SNTG2: variants seen among roughly 807,000 people sequenced by gnomAD.
The protein encoded by SNTG2 is gamma-2-syntrophin.
Under a neutral mutation model 70.9 loss-of-function variants are expected in SNTG2, and 74 were observed. The observed-to-expected ratio is 1.04, with a 90% confidence interval of 0.86 to 1.27. SNTG2 has a LOEUF of 1.27. SNTG2 is among the 50% of genes most tolerant of loss of function. The pLI, the probability that SNTG2 is intolerant of heterozygous loss-of-function variation, is 0.00. For missense variants in SNTG2, 717 were observed against 690.7 expected (o/e 1.04, Z -0.43); for synonymous variants, 278 against 273.8 (o/e 1.02, Z -0.15).
chr2:1,237,867 G>C lies in SNTG2; in HGVS notation c.720-21G>C, dbSNP rs1422907633. On this transcript the variant is annotated intron_variant, in intron 9 of 16. Coordinates refer to ENST00000308624, the MANE Select transcript of SNTG2 (RefSeq NM_018968.4). ...GCTCCCGTCGCTGCGGGGCCTCCTG[G>C]ACAGCTCTCTCCCTCCCCAGGTGGA... is the stretch of plus-strand genomic sequence containing the variant. 19 of 1,590,046 alleles carry C rather than the reference G, an allele frequency of 1.2e-5. No individual in the cohort carries two copies. The East Asian group carries it at 2.1e-4, about 17-fold the overall frequency.
At chr2:1,190,141 A>C (rs968909594) in intron 8 of SNTG2, among the ~76,000 whole-genome samples, 2 of 152,118 alleles carry the variant, frequency 1.3e-5, no homozygotes, top group Non-Finnish European at 2.9e-5. Flanking sequence ...AATTTGGGGA[A>C]AATATTATAT....
intron 1 of SNTG2, among the ~76,000 whole-genome samples, chr2:1,064,628 A>G (rs1232901191): frequency 6.6e-6 from 1 of 152,134 alleles, no homozygotes; most frequent in Non-Finnish European, 1.5e-5. Flanking sequence ...GTGATAGGAA[A>G]AGCTTTTATT....
chr2:1,320,586 G>A (rs755978326), intron 16 of SNTG2, among the ~76,000 whole-genome samples: 71 of 150,282 alleles, frequency 4.7e-4, no homozygotes, highest in Non-Finnish European at 4.4e-5. Flanking sequence ...AAAAAATCAC[G>A]TAGAATTCAA....
chr2:988,063 C>T (rs1241783234), intron 1 of SNTG2, among the ~76,000 whole-genome samples: 1 of 152,226 alleles, frequency 6.6e-6, no homozygotes, highest in African/African-American at 2.4e-5. Flanking sequence ...GAGCCTCCCG[C>T]CCCTTTGGCA....
rs1283887541 is a variant in SNTG2, at chr2:1,308,535, T to C, written c.1326T>C (p.Cys442=). 1.9e-6 allele frequency: 3 copies of C among 1,551,730 alleles called. No individual in the cohort carries two copies. Among genetic ancestry groups the C allele is most frequent in the Non-Finnish European group, 2.6e-6 (3 of 1,146,998 alleles). ...GCAGCTGGCAAGGAGAGATGCTGTGTTTCACGGTGGATTTCGCGTTGGGAT... is the reference window on the plus strand; with the variant it reads ...GCAGCTGGCAAGGAGAGATGCTGTGCTTCACGGTGGATTTCGCGTTGGGAT... ...YMCSWQGEML[C]FTVDFALGFT... The change falls in exon 15 of 17, where the codon TGT becomes TGC. Residue 442 remains cysteine, a synonymous_variant. Coordinates refer to ENST00000308624, the MANE Select transcript of SNTG2 (RefSeq NM_018968.4).
At chr2:1,244,429 G>A (rs928174657) in intron 11 of SNTG2, among the ~76,000 whole-genome samples, 2 of 152,126 alleles carry the variant, frequency 1.3e-5, no homozygotes, top group Non-Finnish European at 2.9e-5. Context: ...GGGCGCGGGG[G>A]CTCACGCCTG....
intron 14 of SNTG2, among the ~76,000 whole-genome samples, chr2:1,276,295 G>C (rs1480527666): frequency 6.6e-6 from 1 of 152,080 alleles, no homozygotes; most frequent in African/African-American, 2.4e-5. Context: ...CTGGACAAAC[G>C]TCATTGCCTG....
At position 1,316,287 on chromosome 2, in the gene SNTG2, T is replaced by G; in HGVS notation, c.1400T>G (p.Phe467Cys). ...KTKNVLWRFK[F>C]SQLKGSSDDG... ...CAGAATGTGCTCTGGAGATTTAAAT[T>G]TTCCCAGCTTAAGGGATCTTCAGAT... is the stretch of plus-strand genomic sequence containing the variant. Residue 467 changes from phenylalanine (F) to cysteine (C), a missense_variant, in exon 16 of 17, where the codon TTT becomes TGT. By Grantham distance (205) the Phe-to-Cys change is radical. Coordinates refer to ENST00000308624, the MANE Select transcript of SNTG2 (RefSeq NM_018968.4). The G allele has an allele frequency of 6.5e-7, 1 of 1,546,412 alleles. No individual in the cohort carries two copies. The highest frequency in any genetic ancestry group is 8.8e-7 in the Non-Finnish European group (1 of 1,142,810).
At chr2:1,026,458 T>C (rs970922201) in intron 1 of SNTG2, among the ~76,000 whole-genome samples, 5 of 152,218 alleles carry the variant, frequency 3.3e-5, no homozygotes, top group African/African-American at 9.7e-5. Context: ...ACAATAGTTT[T>C]AGGAAATTAT....
At chr2:1,203,030 T>C (rs911743164) in intron 8 of SNTG2, among the ~76,000 whole-genome samples, 1 of 152,126 alleles carries the variant, frequency 6.6e-6, no homozygotes, top group African/African-American at 2.4e-5. Flanking sequence ...TTAGTAAAGA[T>C]GTAGAAGAAC....
intron 1 of SNTG2, among the ~76,000 whole-genome samples, chr2:1,037,491 A>G (rs1661195813): frequency 6.6e-6 from 1 of 152,160 alleles, no homozygotes; most frequent in African/African-American, 2.4e-5. Context: ...GAAGCCATTT[A>G]CAGCCATTTT....
intron 1 of SNTG2, among the ~76,000 whole-genome samples, chr2:966,016 G>A (rs567711752): frequency 4.7e-4 from 72 of 152,232 alleles, no homozygotes; most frequent in South Asian, 2.3e-3. Context: ...CCTGTGTGTC[G>A]GACCCATCCC....
At chr2:1,307,824 G>A (rs939095390) in intron 14 of SNTG2, among the ~76,000 whole-genome samples, 2 of 152,206 alleles carry the variant, frequency 1.3e-5, no homozygotes, top group Non-Finnish European at 2.9e-5. Context: ...GAGACCTTCC[G>A]GGCAGAGCCC....
chr2:1,099,452 C>A (rs1387719655), intron 4 of SNTG2, among the ~76,000 whole-genome samples: 3 of 152,208 alleles, frequency 2.0e-5, no homozygotes, highest in Admixed American at 6.5e-5. Flanking sequence ...TAAGCTCATA[C>A]TTTTTCTCTA....
chr2:1,333,309 A>G (rs1659627570), intron 16 of SNTG2, among the ~76,000 whole-genome samples: 1 of 152,236 alleles, frequency 6.6e-6, no homozygotes, highest in African/African-American at 2.4e-5. Context: ...GCTGACACAG[A>G]CAAATGGAAA....
At chr2:1,135,184 A>G (rs1402115543) in intron 4 of SNTG2, among the ~76,000 whole-genome samples, 1 of 152,182 alleles carries the variant, frequency 6.6e-6, no homozygotes, top group Admixed American at 6.5e-5. Context: ...TGGCAGCTCC[A>G]TTCTGAAAAC....
At chr2:1,120,935 C>G (rs1667336927) in intron 4 of SNTG2, among the ~76,000 whole-genome samples, 1 of 151,942 alleles carries the variant, frequency 6.6e-6, no homozygotes, top group Non-Finnish European at 1.5e-5. Flanking sequence ...ACTTTCCATG[C>G]AATAGCAGCA....
intron 15 of SNTG2, among the ~76,000 whole-genome samples, chr2:1,312,737 C>T (rs185580492): frequency 1.3e-5 from 2 of 152,326 alleles, no homozygotes; most frequent in East Asian, 3.9e-4. Context: ...GCGATTGGTG[C>T]AGACTCTCAC....
At chr2:1,089,579 G>A (rs1489320018) in intron 2 of SNTG2, among the ~76,000 whole-genome samples, 1 of 152,196 alleles carries the variant, frequency 6.6e-6, no homozygotes, top group Non-Finnish European at 1.5e-5. Flanking sequence ...AGCTTGCAGT[G>A]AGCCGAGATT....
Sources: allele counts gnomAD v4.1 joint callset (sites outside exome capture counted in the v4.1 genomes callset), GRCh38; gene constraint gnomAD v4.1.1; transcripts MANE v1.5; gene names NCBI Gene and HGNC (gene_info 2026-07-23, HGNC 2026-07-21).